ULK4: variants seen among roughly 807,000 people sequenced by gnomAD.
ULK4 encodes inactive serine/threonine-protein kinase ULK4.
In ULK4, 133 loss-of-function variants were observed where a neutral mutation model predicts 160.6. The observed-to-expected ratio is 0.83, with a 90% CI of 0.72 to 0.96. ULK4 has a LOEUF of 0.96. ULK4 is among the 40% of genes least tolerant of loss of function. The pLI is 0.00. For synonymous variants in ULK4, 534 were observed against 539.8 expected, an observed-to-expected ratio of 0.99 and a Z score of 0.15; for missense variants, 1,580 against 1,499.5, an observed-to-expected ratio of 1.05 and a Z score of -0.89.
chr3:41,560,310 T>C (rs1166041155), intron 32 of ULK4, among the ~76,000 whole-genome samples: 1 of 152,188 alleles, frequency 6.6e-6, no homozygotes, highest in Non-Finnish European at 1.5e-5. Flanking sequence ...GCCTCCAGCT[T>C]TGTTCTTTTG....
intron 1 of ULK4, among the ~76,000 whole-genome samples, chr3:41,956,015 T>C (rs1478074221): frequency 6.6e-6 from 1 of 152,158 alleles, no homozygotes; most frequent in Non-Finnish European, 1.5e-5. Flanking sequence ...ACTGACTTCC[T>C]GTAACTAAAT....
chr3:41,773,661 A>G (rs1455538200), intron 21 of ULK4, among the ~76,000 whole-genome samples: 3 of 152,094 alleles, frequency 2.0e-5, no homozygotes, highest in Non-Finnish European at 2.9e-5. Flanking sequence ...GTAATTTATA[A>G]ATTCAATGCC....
rs184165896 is a variant in ULK4, at chr3:41,904,969, G to T, written c.1182+2876C>A. 2.1e-3 allele frequency among the ~76,000 whole-genome samples: 323 copies of T among 152,224 alleles called. 2 individuals carry two copies. Among genetic ancestry groups the T allele is most frequent in the Middle Eastern group, 3.4e-3 (1 of 294 alleles). The stretch of plus-strand genomic sequence containing the variant: ...GCAACTGTGATTAAAATCCCAGCTG[G>T]CTCCTTTGAAGAAACTGACAAGCTG... On this transcript the variant is annotated intron_variant, in intron 12 of 36. Coordinates refer to ENST00000301831, the MANE Select transcript of ULK4 (RefSeq NM_017886.4).
At chr3:41,373,510 G>A (rs552895028) in intron 35 of ULK4, among the ~76,000 whole-genome samples, 79 of 152,212 alleles carry the variant, frequency 5.2e-4, no homozygotes, top group African/African-American at 1.9e-3. Context: ...CTACGTGGAA[G>A]CTGAACAACA....
intron 31 of ULK4, among the ~76,000 whole-genome samples, chr3:41,568,712 A>T (rs2087868698): frequency 6.6e-6 from 1 of 152,104 alleles, no homozygotes; most frequent in African/African-American, 2.4e-5. Context: ...CTGTGACCAA[A>T]TGTGTGGGAT....
chr3:41,265,798 A>C (rs1163679106), intron 35 of ULK4, among the ~76,000 whole-genome samples: 1 of 152,068 alleles, frequency 6.6e-6, no homozygotes, highest in Non-Finnish European at 1.5e-5. Context: ...GCTCCAGGAG[A>C]AGGGAAGGGA....
intron 32 of ULK4, among the ~76,000 whole-genome samples, chr3:41,561,276 T>C (rs894739778): frequency 9.2e-5 from 14 of 152,228 alleles, no homozygotes; most frequent in Non-Finnish European, 1.6e-4. Context: ...CAGTATTTTA[T>C]TGAGGATTTT....
intron 21 of ULK4, among the ~76,000 whole-genome samples, chr3:41,755,767 C>A (rs2038777735): frequency 1.3e-5 from 2 of 152,144 alleles, no homozygotes; most frequent in Admixed American, 1.3e-4. Context: ...AAGTTTTGTT[C>A]CCATAAAGAA....
chr3:41,829,937 A>G (rs2041517147), intron 18 of ULK4, among the ~76,000 whole-genome samples: 1 of 151,852 alleles, frequency 6.6e-6, no homozygotes, highest in Admixed American at 6.6e-5. Flanking sequence ...AAAATGTGGT[A>G]CATATACACC....
intron 5 of ULK4, among the ~76,000 whole-genome samples, chr3:41,927,621 A>T (rs970512947): frequency 6.6e-6 from 1 of 151,576 alleles, no homozygotes; most frequent in Non-Finnish European, 1.5e-5. Flanking sequence ...GTGCAGAGAC[A>T]CACATAAGCT....
At chr3:41,389,283 A>G (rs7626144) in intron 35 of ULK4, among the ~76,000 whole-genome samples, 87,709 of 151,962 alleles carry the variant, frequency 0.58, 26,934 homozygotes, top group African/African-American at 0.81. Flanking sequence ...TGAGACGATG[A>G]GGTTTTCTAG....
At position 41,806,378 on chromosome 3, in the gene ULK4, C is replaced by T. The variant is rs564250444; in HGVS notation, c.1849-6085G>A. Reference sequence around the variant, plus strand: ...AGTCTATTTGATTCTTCTCTCTTTTCTTCTTTATTAGTCTTGCTAGTGGTC... The same window carrying T: ...AGTCTATTTGATTCTTCTCTCTTTTTTTCTTTATTAGTCTTGCTAGTGGTC... On this transcript the variant is annotated intron_variant, in intron 19 of 36. Coordinates refer to ENST00000301831, the MANE Select transcript of ULK4 (RefSeq NM_017886.4). Among the ~76,000 whole-genome samples the T allele has an allele frequency of 6.6e-5, 10 of 152,094 alleles. No homozygotes were observed. The East Asian group carries it at 1.5e-3, about 24-fold the overall frequency.
At position 41,897,030 on chromosome 3, in the gene ULK4, T is replaced by A. The variant is rs3774377; in HGVS notation, c.1349-27A>T. ...TGCGATGGAAAGAAAATAATAAAAG[T>A]ACATATGATGAGAAAAAGAACTGCT... On this transcript the variant is annotated intron_variant, in intron 14 of 36. Transcript: ENST00000301831. The A allele has an allele frequency of 6.8e-3, 10,742 of 1,568,604 alleles. 641 individuals carry two copies. In the Admixed American group the frequency reaches 0.12, roughly 18 times the overall value.
chr3:41,422,029 C>G (rs1194010132), intron 34 of ULK4, among the ~76,000 whole-genome samples: 1 of 151,942 alleles, frequency 6.6e-6, no homozygotes, highest in African/African-American at 2.4e-5. Context: ...TTTAAACTGG[C>G]AGCCCTCCTA....
At chr3:41,565,603 C>A (rs1454003250) in intron 32 of ULK4, among the ~76,000 whole-genome samples, 2 of 152,330 alleles carry the variant, frequency 1.3e-5, no homozygotes, top group Admixed American at 1.3e-4. Context: ...TTGGACTCTG[C>A]AAAGAGTCTC....
intron 19 of ULK4, among the ~76,000 whole-genome samples, chr3:41,810,178 A>G (rs74849792): frequency 0.047 from 7,088 of 152,240 alleles, 320 homozygotes; most frequent in African/African-American, 0.11. Flanking sequence ...ATGGCTTTTC[A>G]TCCCTAGTTC....
At chr3:41,591,790 T>A (rs2031328326) in intron 31 of ULK4, among the ~76,000 whole-genome samples, 1 of 152,334 alleles carries the variant, frequency 6.6e-6, no homozygotes, top group Admixed American at 6.5e-5. Flanking sequence ...ATTGTTCTAT[T>A]TAGGCAGCCC....
intron 30 of ULK4, among the ~76,000 whole-genome samples, chr3:41,662,185 G>A (rs1360547062): frequency 1.3e-5 from 2 of 152,172 alleles, no homozygotes; most frequent in African/African-American, 2.4e-5. Flanking sequence ...TCTGAGTGAG[G>A]AATTTGGAAG....
intron 21 of ULK4, among the ~76,000 whole-genome samples, chr3:41,758,633 C>T (rs1230657842): frequency 6.6e-6 from 1 of 152,130 alleles, no homozygotes; most frequent in Non-Finnish European, 1.5e-5. Flanking sequence ...TGCCTGTAAT[C>T]CCAGCACTTT....
Sources: gnomAD v4.1 joint callset for allele counts (sites outside exome capture counted in the v4.1 genomes callset) on GRCh38, gnomAD v4.1.1 for gene constraint, MANE v1.5 for transcripts, NCBI Gene and HGNC (gene_info 2026-07-23, HGNC 2026-07-21) for gene names.